PLEKHF2: variants seen among roughly 807,000 people sequenced by gnomAD.
PLEKHF2 encodes pleckstrin homology domain-containing family F member 2.
PLEKHF2 carries 4 observed loss-of-function variants against 14.7 expected under a neutral mutation model. The observed-to-expected ratio is 0.27, with a 90% CI of 0.13 to 0.62. The LOEUF (loss-of-function observed/expected upper bound fraction) is 0.62. PLEKHF2 is among the 20% of genes least tolerant of loss of function. PLEKHF2 has a pLI of 0.85. For missense variants in PLEKHF2, 201 were observed against 307.7 expected (o/e 0.65, Z 2.60); for synonymous variants, 90 against 103.5 (o/e 0.87, Z 0.79).
At position 95,147,283 on chromosome 8, in the gene PLEKHF2, C is replaced by G. The variant is rs1299411994; in HGVS notation, c.-14-6748C>G. Reference sequence around the variant, plus strand: ...GTGCACAGGTCTTACCCTGCATACCCCAGACCAATAAAATTAGACTGTCTG... The same window carrying G: ...GTGCACAGGTCTTACCCTGCATACCGCAGACCAATAAAATTAGACTGTCTG... On this transcript the variant is annotated intron_variant, in intron 1 of 1. Coordinates refer to ENST00000315367, the MANE Select transcript of PLEKHF2 (RefSeq NM_024613.4). 2.0e-5 allele frequency among the ~76,000 whole-genome samples: 3 copies of G among 151,986 alleles called. No homozygotes were observed. The East Asian group carries it at 5.8e-4, about 29-fold the overall frequency.
In PLEKHF2 at chr8:95,155,126, T is replaced by C. The variant is rs950211762; in HGVS notation, c.*332T>C. 4.3e-6 allele frequency: 1 copy of C among 233,916 alleles called. No individual in the cohort carries two copies. The highest frequency in any genetic ancestry group is 2.3e-5 in the African/African-American group (1 of 43,924). 14.5% of individuals were successfully genotyped at this position (233,916 alleles called of 1,614,324 possible). On this transcript the variant is annotated 3_prime_UTR_variant, in exon 2 of 2. Coordinates refer to ENST00000315367, the MANE Select transcript of PLEKHF2 (RefSeq NM_024613.4). ...TTGTTGTTTTCATTTCTGTTATAAG[T>C]AAAACTAAAAGCACAGAATGGTGGG...
At chr8:95,153,610 T>C (rs1810584403) in intron 1 of PLEKHF2, among the ~76,000 whole-genome samples, 1 of 152,172 alleles carries the variant, frequency 6.6e-6, no homozygotes, top group Non-Finnish European at 1.5e-5. Flanking sequence ...TCAGTGGTAA[T>C]AGCTTACTTG....
At chr8:95,146,315 A>G (rs1417876636) in intron 1 of PLEKHF2, among the ~76,000 whole-genome samples, 1 of 152,210 alleles carries the variant, frequency 6.6e-6, no homozygotes, top group Non-Finnish European at 1.5e-5. Flanking sequence ...GTTTTTCACT[A>G]TAATGCACAG....
intron 1 of PLEKHF2, among the ~76,000 whole-genome samples, chr8:95,146,259 T>C (rs1810499382): frequency 6.6e-6 from 1 of 152,328 alleles, no homozygotes; most frequent in Non-Finnish European, 1.5e-5. Context: ...TTATTTAGTG[T>C]CTGAACCAAG....
rs762847367 is a variant in PLEKHF2 at position 95,142,039 on chromosome 8, C to T, written c.-15+8009C>T. On this transcript the variant is annotated intron_variant, in intron 1 of 1. Coordinates refer to ENST00000315367, the MANE Select transcript of PLEKHF2 (RefSeq NM_024613.4). ...AATGTTTTTAGTATAGTACTTATCTCCTTGTGTTTTGTATTAACCTTGTGG... is the reference window on the plus strand; with the variant it reads ...AATGTTTTTAGTATAGTACTTATCTTCTTGTGTTTTGTATTAACCTTGTGG... Among the ~76,000 whole-genome samples the T allele has an allele frequency of 2.1e-3, 324 of 152,162 alleles. 2 individuals are homozygous for T. Among genetic ancestry groups the T allele is most frequent in the Non-Finnish European group, 3.8e-3 (260 of 68,002 alleles).
chr8:95,150,382 CCAAT>C (rs1169458385), intron 1 of PLEKHF2, among the ~76,000 whole-genome samples: 3 of 152,156 alleles, frequency 2.0e-5, no homozygotes, highest in Admixed American at 6.5e-5. Context: ...TCACAACCCA[CCAAT>C]CAATCAAGTG....
intron 1 of PLEKHF2, among the ~76,000 whole-genome samples, chr8:95,152,066 CT>C (rs1228152362): frequency 6.6e-6 from 1 of 152,046 alleles, no homozygotes. Flanking sequence ...ATAAATATGT[CT>C]TAAAATCTAT....
Position 95,154,754 on chromosome 8 carries a change from A to T in PLEKHF2, c.710A>T (p.Asp237Val). ...CAGTCATTGAAGTCTCCTTTAAATGATATGTCTGATGATGATGACGATGAT... is the reference window on the plus strand; with the variant it reads ...CAGTCATTGAAGTCTCCTTTAAATGTTATGTCTGATGATGATGACGATGAT... ...YSQSLKSPLNDMSDDDDDDDS... is the reference protein window; with the variant it reads ...YSQSLKSPLNVMSDDDDDDDS... Residue 237 changes from aspartate to valine, a missense_variant, in exon 2 of 2, where the codon GAT becomes GTT. Physicochemically the swap from Asp to Val is radical, Grantham distance 152. Transcript: ENST00000315367. The surrounding 1 kb of genome is among the most constrained non-coding windows in gnomAD (Gnocchi z 5.6). 6.2e-7 allele frequency: 1 copy of T among 1,614,080 alleles called. No individual in the cohort carries two copies. The highest frequency in any genetic ancestry group is 8.5e-7 in the Non-Finnish European group (1 of 1,179,984).
chr8:95,149,627 C>G (rs1039769865), intron 1 of PLEKHF2, among the ~76,000 whole-genome samples: 5 of 152,132 alleles, frequency 3.3e-5, no homozygotes, highest in African/African-American at 1.2e-4. Context: ...GGTGTTACTT[C>G]CAGAATGGAA....
In PLEKHF2 at chr8:95,154,170, G is replaced by A; in HGVS notation, c.126G>A (p.Leu42=). The A allele has an allele frequency of 6.2e-7, 1 of 1,613,936 alleles. No individual in the cohort carries two copies. The highest frequency in any genetic ancestry group is 2.2e-5 in the East Asian group (1 of 44,866). The change falls in exon 2 of 2, where the codon TTG becomes TTA. Residue 42 remains leucine, a synonymous_variant. Transcript: ENST00000315367. This position sits in a 1 kb window ranked among gnomAD's most constrained non-coding sequence, Gnocchi z 5.6. Reference sequence around the variant, plus strand: ...GAGTTCTTATTGGAGAAGGAGTATTGACTAAGTTGTGCAGGAAAAAGCCCA... The same window carrying A: ...GAGTTCTTATTGGAGAAGGAGTATTAACTAAGTTGTGCAGGAAAAAGCCCA... ...PGRVLIGEGV[L]TKLCRKKPKA...
At chr8:95,143,500 A>C (rs1376866910) in intron 1 of PLEKHF2, among the ~76,000 whole-genome samples, 1 of 152,216 alleles carries the variant, frequency 6.6e-6, no homozygotes, top group Non-Finnish European at 1.5e-5. Flanking sequence ...AAAGTGGTGC[A>C]AATAAAATGG....
intron 1 of PLEKHF2, among the ~76,000 whole-genome samples, chr8:95,135,624 C>T (rs1459012216): frequency 6.6e-6 from 1 of 152,166 alleles, no homozygotes; most frequent in African/African-American, 2.4e-5. Flanking sequence ...GCTGTATTGC[C>T]AATTTCTGTT....
intron 1 of PLEKHF2, among the ~76,000 whole-genome samples, chr8:95,145,872 G>C (rs10092259): frequency 1.3e-5 from 2 of 152,064 alleles, no homozygotes; most frequent in Non-Finnish European, 2.9e-5. Flanking sequence ...CAGAATATTT[G>C]TTCATTTGAC....
At chr8:95,142,928 A>G (rs1242011279) in intron 1 of PLEKHF2, among the ~76,000 whole-genome samples, 1 of 152,104 alleles carries the variant, frequency 6.6e-6, no homozygotes, top group Non-Finnish European at 1.5e-5. Context: ...ATTAATATAG[A>G]TGTTAAAAAT....
intron 1 of PLEKHF2, among the ~76,000 whole-genome samples, chr8:95,145,497 C>T (rs920685107): frequency 4.0e-5 from 6 of 151,340 alleles, no homozygotes; most frequent in African/African-American, 1.5e-4. Flanking sequence ...TCACTCAGCT[C>T]ACTGCCAGCT....
chr8:95,152,779 T>C (rs2132111440), intron 1 of PLEKHF2, among the ~76,000 whole-genome samples: 1 of 152,234 alleles, frequency 6.6e-6, no homozygotes, highest in African/African-American at 2.4e-5. Flanking sequence ...TAGTGTCCTT[T>C]ATAATGAAGG....
rs115500080 is a variant in PLEKHF2, at chr8:95,146,664, A to C, written c.-14-7367A>C. Among the ~76,000 whole-genome samples the C allele has an allele frequency of 8.2e-3, 1,255 of 152,218 alleles. 19 individuals are homozygous for C. Among genetic ancestry groups the C allele is most frequent in the African/African-American group, 0.029 (1,214 of 41,560 alleles). On this transcript the variant is annotated intron_variant, in intron 1 of 1. Coordinates refer to ENST00000315367, the MANE Select transcript of PLEKHF2 (RefSeq NM_024613.4). ...CAATGTAAATGCAGTTCTTGTCTGTAGTGTGAAGAAGATGACTTGAAACCT... is the reference window on the plus strand; with the variant it reads ...CAATGTAAATGCAGTTCTTGTCTGTCGTGTGAAGAAGATGACTTGAAACCT...
At chr8:95,135,113 G>A (rs1055638517) in intron 1 of PLEKHF2, among the ~76,000 whole-genome samples, 4 of 152,130 alleles carry the variant, frequency 2.6e-5, no homozygotes, top group African/African-American at 4.8e-5. Context: ...GGAATGAATG[G>A]TATTAAGCTA....
Position 95,139,210 on chromosome 8 carries a change from A to G in PLEKHF2, c.-15+5180A>G, listed in dbSNP as rs7018049. Among the ~76,000 whole-genome samples the G allele has an allele frequency of 5.8e-3, 887 of 152,218 alleles. 11 individuals carry two copies. The highest frequency in any genetic ancestry group is 0.02 in the African/African-American group (830 of 41,526). On this transcript the variant is annotated intron_variant, in intron 1 of 1. Transcript: ENST00000315367. ...GTGGATTTACAGGAGCCCTTTGCATATTACAAATGTTGGCCGGGTGCGGTG... is the reference window on the plus strand; with the variant it reads ...GTGGATTTACAGGAGCCCTTTGCATGTTACAAATGTTGGCCGGGTGCGGTG...
Sources: allele counts gnomAD v4.1 joint callset (sites outside exome capture counted in the v4.1 genomes callset), GRCh38; gene constraint gnomAD v4.1.1; non-coding constraint Gnocchi (gnomAD v3.1); transcripts MANE v1.5; gene names NCBI Gene and HGNC (gene_info 2026-07-23, HGNC 2026-07-21).